SPOCK1: variants seen among roughly 807,000 people sequenced by gnomAD.
SPOCK1 encodes the protein SPARC (osteonectin), cwcv and kazal like domains proteoglycan 1.
In SPOCK1, 23 loss-of-function variants were observed where a neutral mutation model predicts 55.3. The observed-to-expected ratio is 0.42, with a 90% CI of 0.30 to 0.59. The LOEUF (loss-of-function observed/expected upper bound fraction) is 0.59. Among genes scored for constraint, SPOCK1 ranks in the 20% least tolerant of loss-of-function variants. SPOCK1 has a pLI of 0.22. For synonymous variants in SPOCK1, 226 were observed against 221.0 expected, an observed-to-expected ratio of 1.02 and a Z score of -0.20; for missense variants, 499 against 552.5, an observed-to-expected ratio of 0.90 and a Z score of 0.97.
chr5:137,355,614 G>A (rs1455442319), intron 2 of SPOCK1, among the ~76,000 whole-genome samples: 2 of 152,186 alleles, frequency 1.3e-5, no homozygotes, highest in African/African-American at 4.8e-5. Context: ...CACCATGAGT[G>A]TTTGCAGTGA....
intron 4 of SPOCK1, among the ~76,000 whole-genome samples, chr5:137,122,973 G>A (rs1484067964): frequency 1.3e-5 from 2 of 152,238 alleles, no homozygotes; most frequent in African/African-American, 4.8e-5. Flanking sequence ...GAGCAAGTCA[G>A]TAAAATGAAG....
chr5:137,498,646 G>GA, intron 1 of SPOCK1, 88 bp from the exon 2 acceptor site: 1 of 1,131,002 alleles, frequency 8.8e-7, no homozygotes, highest in Non-Finnish European at 1.1e-6. Context: ...CCCCAGCCCG[G>GA]AGGCGGGGAC....
chr5:137,341,498 T>G (rs911619983), intron 2 of SPOCK1, among the ~76,000 whole-genome samples: 1 of 152,102 alleles, frequency 6.6e-6, no homozygotes, highest in Non-Finnish European at 1.5e-5. Context: ...AAAAGCAAAA[T>G]GAAATATGTC....
chr5:137,212,331 T>C (rs1755633115), intron 3 of SPOCK1, among the ~76,000 whole-genome samples: 2 of 152,160 alleles, frequency 1.3e-5, no homozygotes, highest in South Asian at 2.1e-4. Context: ...GCTTTTTTTT[T>C]AATGCTTCAG....
intron 3 of SPOCK1, among the ~76,000 whole-genome samples, chr5:137,183,706 A>C (rs905854608): frequency 6.6e-6 from 1 of 152,242 alleles, no homozygotes; most frequent in Non-Finnish European, 1.5e-5. Flanking sequence ...GAGAGCCTCA[A>C]TCTCTCGAAA....
At chr5:137,243,742 G>A (rs1391182974) in intron 3 of SPOCK1, among the ~76,000 whole-genome samples, 2 of 152,098 alleles carry the variant, frequency 1.3e-5, no homozygotes, top group African/African-American at 2.4e-5. Flanking sequence ...CCCTTATTAT[G>A]ACTGAACATG....
intron 3 of SPOCK1, among the ~76,000 whole-genome samples, chr5:137,206,793 C>T (rs369277016): frequency 2.0e-5 from 3 of 152,154 alleles, no homozygotes; most frequent in Non-Finnish European, 2.9e-5. Flanking sequence ...ACATCTTATG[C>T]GATGTATTTG....
chr5:136,993,712 A>G (rs1476071758), intron 6 of SPOCK1, among the ~76,000 whole-genome samples: 1 of 152,232 alleles, frequency 6.6e-6, no homozygotes, highest in Non-Finnish European at 1.5e-5. Context: ...ATGGTGCTGA[A>G]GAGACACAGA....
chr5:137,487,258 T>C (rs1356646039), intron 2 of SPOCK1, among the ~76,000 whole-genome samples: 1 of 151,802 alleles, frequency 6.6e-6, no homozygotes, highest in Non-Finnish European at 1.5e-5. Flanking sequence ...CCAAGTCTGG[T>C]TGATGCTCAT....
Position 137,160,617 on chromosome 5 carries a change from ATATATTT to A in SPOCK1, c.233-19930_233-19924del, listed in dbSNP as rs1754528299. Among the ~76,000 whole-genome samples the A allele has an allele frequency of 1.3e-4, 7 of 53,440 alleles. 1 individual carries two copies. Among genetic ancestry groups the A allele is most frequent in the East Asian group, 8.6e-4 (1 of 1,164 alleles). The allele number at this position is 53,440 out of a possible 152,430, so 35.1% of individuals were successfully genotyped here. On this transcript the variant is annotated intron_variant, in intron 3 of 10. Coordinates refer to ENST00000394945, the MANE Select transcript of SPOCK1 (RefSeq NM_004598.4). ...TAATATATTATATATAATATATAATATATATTTTATATAATATATAATATATATTTTA... is the reference window on the plus strand; with the variant it reads ...TAATATATTATATATAATATATAATATATATAATATATAATATATATTTTA...
At chr5:137,148,265 C>T (rs1015680334) in intron 3 of SPOCK1, among the ~76,000 whole-genome samples, 2 of 152,170 alleles carry the variant, frequency 1.3e-5, no homozygotes, top group African/African-American at 4.8e-5. Context: ...TTGCTTGGCC[C>T]CTCTGCTCAC....
intron 2 of SPOCK1, among the ~76,000 whole-genome samples, chr5:137,459,809 A>T (rs531478597): frequency 2.0e-5 from 3 of 152,220 alleles, no homozygotes; most frequent in African/African-American, 7.2e-5. Context: ...AGAGCCATTC[A>T]GAGGTATATG....
intron 2 of SPOCK1, among the ~76,000 whole-genome samples, chr5:137,375,929 A>G (rs2127172803): frequency 6.6e-6 from 1 of 152,294 alleles, no homozygotes; most frequent in South Asian, 2.1e-4. Flanking sequence ...TGCCACTTCA[A>G]AGGGGCTTAG....
At chr5:137,201,860 C>T (rs2164130) in intron 3 of SPOCK1, among the ~76,000 whole-genome samples, 60,622 of 151,998 alleles carry the variant, frequency 0.4, 13,175 homozygotes, top group Non-Finnish European at 0.48. Flanking sequence ...ACACCCAGCT[C>T]TATTCCATGC....
At chr5:137,268,234 A>C (rs1479574515) in intron 2 of SPOCK1, among the ~76,000 whole-genome samples, 1 of 152,200 alleles carries the variant, frequency 6.6e-6, no homozygotes, top group Non-Finnish European at 1.5e-5. Context: ...CTAGCTTTAG[A>C]GTAAAATCAG....
At position 137,260,423 on chromosome 5, in the gene SPOCK1, A is replaced by G. The variant is rs184733009; in HGVS notation, c.232+6587T>C. 2.1e-4 allele frequency among the ~76,000 whole-genome samples: 32 copies of G among 152,360 alleles called. No individual in the cohort carries two copies. In the East Asian group the frequency reaches 6.2e-3, roughly 29 times the overall value. ...TACCTCAAAAGCAATGTTAAGTGGAATAAACAGATTAGAGAGGGAAACATT... is the reference window on the plus strand; with the variant it reads ...TACCTCAAAAGCAATGTTAAGTGGAGTAAACAGATTAGAGAGGGAAACATT... On this transcript the variant is annotated intron_variant, in intron 3 of 10. Coordinates refer to ENST00000394945, the MANE Select transcript of SPOCK1 (RefSeq NM_004598.4).
At chr5:137,218,095 A>G (rs1327173159) in intron 3 of SPOCK1, among the ~76,000 whole-genome samples, 1 of 152,238 alleles carries the variant, frequency 6.6e-6, no homozygotes, top group African/African-American at 2.4e-5. Flanking sequence ...CTGACTTGTG[A>G]CCACAAATCC....
intron 9 of SPOCK1, among the ~76,000 whole-genome samples, chr5:136,981,368 C>G (rs1750726606): frequency 6.6e-6 from 1 of 152,174 alleles, no homozygotes; most frequent in Admixed American, 6.5e-5. Context: ...TTTTACTTCA[C>G]TGTTGTCTGC....
intron 2 of SPOCK1, among the ~76,000 whole-genome samples, chr5:137,286,735 A>G (rs1345553585): frequency 6.6e-6 from 1 of 152,232 alleles, no homozygotes; most frequent in Non-Finnish European, 1.5e-5. Flanking sequence ...GGACCCAGGT[A>G]CCAAGTCTCG....
Sources: gnomAD v4.1 joint callset for allele counts (sites outside exome capture counted in the v4.1 genomes callset) on GRCh38, gnomAD v4.1.1 for gene constraint, MANE v1.5 for transcripts, NCBI Gene and HGNC (gene_info 2026-07-23, HGNC 2026-07-21) for gene names.